Variants in TRABD2B observed in about 807,000 individuals in gnomAD.
The protein encoded by TRABD2B is TraB domain containing 2B.
Under a neutral mutation model 40.1 loss-of-function variants are expected in TRABD2B, and 14 were observed. That is an observed-to-expected ratio of 0.35 (90% CI 0.23 to 0.55). The LOEUF is 0.55. TRABD2B is among the 20% of genes least tolerant of loss of function. The probability of loss-of-function intolerance (pLI) is 0.90; values close to 1 mark genes in which losing one functional copy is unlikely to be tolerated. For synonymous variants in TRABD2B, 263 were observed against 277.0 expected, an observed-to-expected ratio of 0.95 and a Z score of 0.50; for missense variants, 541 against 648.6, an observed-to-expected ratio of 0.83 and a Z score of 1.80.
At chr1:47,972,709 A>T (rs1378278968) in intron 2 of TRABD2B, among the ~76,000 whole-genome samples, 1 of 152,164 alleles carries the variant, frequency 6.6e-6, no homozygotes, top group Non-Finnish European at 1.5e-5. Context: ...CAGCAGCCTG[A>T]GCTAAGACAA....
intron 2 of TRABD2B, among the ~76,000 whole-genome samples, chr1:47,955,665 C>T (rs1408439927): frequency 3.9e-5 from 6 of 152,198 alleles, no homozygotes; most frequent in Admixed American, 3.9e-4. Context: ...GTCATCCAAG[C>T]CCTAACCCTC....
rs1194313250 is a variant in TRABD2B at position 47,994,271 on chromosome 1, C to T, written c.429G>A (p.Lys143=). 7.2e-6 allele frequency: 11 copies of T among 1,537,108 alleles called. No homozygotes were observed. Among genetic ancestry groups the T allele is most frequent in the Non-Finnish European group, 8.7e-6 (10 of 1,147,094 alleles). ...TGAATAGGTAGTCAGCATAGAGCCCCTTGCCCCGCTGAGCGGGCGTCATCC... is the reference window on the plus strand; with the variant it reads ...TGAATAGGTAGTCAGCATAGAGCCCTTTGCCCCGCTGAGCGGGCGTCATCC... ...PSWMTPAQRG[K]GLYADYLFNA... Residue 143 remains lysine, a synonymous_variant, in exon 2 of 7, where the codon AAG becomes AAA. Coordinates refer to ENST00000606738, the MANE Select transcript of TRABD2B (RefSeq NM_001194986.2). The surrounding 1 kb of genome is among the most constrained non-coding windows in gnomAD (Gnocchi z 6.7).
chr1:47,914,072 C>A (rs997984690), intron 2 of TRABD2B, among the ~76,000 whole-genome samples: 2 of 152,250 alleles, frequency 1.3e-5, no homozygotes, highest in Admixed American at 6.5e-5. Flanking sequence ...TTCTCGAATT[C>A]TTTGTAGACT....
chr1:47,915,422 C>T (rs1253577545), intron 2 of TRABD2B, among the ~76,000 whole-genome samples: 2 of 152,124 alleles, frequency 1.3e-5, no homozygotes, highest in Non-Finnish European at 2.9e-5. Context: ...TGTATTACAC[C>T]CAGGCCCTAC....
At chr1:47,937,054 T>C (rs897781709) in intron 2 of TRABD2B, among the ~76,000 whole-genome samples, 4 of 148,728 alleles carry the variant, frequency 2.7e-5, no homozygotes, top group African/African-American at 1.0e-4. Context: ...ACCACCACCA[T>C]CATTATCATC....
chr1:47,966,698 A>T (rs112450974), intron 2 of TRABD2B, among the ~76,000 whole-genome samples: 6,682 of 152,118 alleles, frequency 0.044, 485 homozygotes, highest in African/African-American at 0.15. Flanking sequence ...TGAGGTCAGG[A>T]GTTTGAGACC....
At chr1:47,767,002 G>A (rs1299273238) in intron 6 of TRABD2B, among the ~76,000 whole-genome samples, 1 of 152,100 alleles carries the variant, frequency 6.6e-6, no homozygotes, top group Non-Finnish European at 1.5e-5. Context: ...GCGGGGGCAG[G>A]GGGTACTCAG....
At chr1:47,922,554 C>T (rs1391109616) in intron 2 of TRABD2B, among the ~76,000 whole-genome samples, 2 of 152,262 alleles carry the variant, frequency 1.3e-5, no homozygotes, top group Admixed American at 6.5e-5. Context: ...CTGGCTTCGC[C>T]TGCCACTGGC....
intron 2 of TRABD2B, among the ~76,000 whole-genome samples, chr1:47,964,880 G>A (rs1645575808): frequency 6.6e-6 from 1 of 151,936 alleles, no homozygotes; most frequent in Admixed American, 6.5e-5. Context: ...TGGAAGCCCT[G>A]CCCAGGAAGG....
rs565926326 is a variant in TRABD2B at position 47,788,315 on chromosome 1, C to T, written c.988+6271G>A. Among the ~76,000 whole-genome samples the T allele has an allele frequency of 1.2e-4, 19 of 152,302 alleles. No homozygotes were observed. The South Asian group carries it at 3.9e-3, about 32-fold the overall frequency. On this transcript the variant is annotated intron_variant, in intron 4 of 6. Transcript: ENST00000606738. ...CCCTTCTCTCAAGCCTGGGTGCTTA[C>T]CTCTGATCTGCTTCTGTGTCCCAGC... is the stretch of plus-strand genomic sequence containing the variant.
At chr1:47,978,660 G>C (rs1645795923) in intron 2 of TRABD2B, among the ~76,000 whole-genome samples, 1 of 152,172 alleles carries the variant, frequency 6.6e-6, no homozygotes, top group Non-Finnish European at 1.5e-5. Context: ...CAGCGATGAT[G>C]AGAGACCCAA....
In TRABD2B at chr1:47,966,821, C is replaced by T. The variant is rs186986408; in HGVS notation, c.666+27213G>A. Among the ~76,000 whole-genome samples the T allele has an allele frequency of 4.6e-5, 7 of 151,938 alleles. No individual in the cohort carries two copies. In the East Asian group the frequency reaches 1.4e-3, roughly 29 times the overall value. On this transcript the variant is annotated intron_variant, in intron 2 of 6. Transcript: ENST00000606738. ...CTGGGAGGCTGATGCAGTAGGATCG[C>T]TTGAACCCAGGAGGCAGAGGTTGCA...
At chr1:47,836,728 T>C (rs1645323453) in intron 2 of TRABD2B, among the ~76,000 whole-genome samples, 2 of 152,252 alleles carry the variant, frequency 1.3e-5, no homozygotes, top group Non-Finnish European at 1.5e-5. Context: ...AATTAGGTTA[T>C]GTGGGCGGAG....
chr1:47,910,483 G>C (rs564091105), intron 2 of TRABD2B, among the ~76,000 whole-genome samples: 19 of 152,148 alleles, frequency 1.2e-4, no homozygotes, highest in Non-Finnish European at 2.1e-4. Context: ...CAAAGTTCTA[G>C]GATGGCCATG....
chr1:47,782,636 G>A (rs1234758827), intron 4 of TRABD2B, among the ~76,000 whole-genome samples: 2 of 152,136 alleles, frequency 1.3e-5, no homozygotes, highest in Admixed American at 1.3e-4. Flanking sequence ...TCCTCTTCTT[G>A]TAACTCAGCC....
chr1:47,847,339 T>A (rs1429666865), intron 2 of TRABD2B, among the ~76,000 whole-genome samples: 2 of 152,172 alleles, frequency 1.3e-5, no homozygotes, highest in African/African-American at 4.8e-5. Flanking sequence ...AGCATGCAAC[T>A]CCTTTTGGAG....
intron 2 of TRABD2B, among the ~76,000 whole-genome samples, chr1:47,852,576 G>A (rs1162994483): frequency 6.6e-6 from 1 of 152,188 alleles, no homozygotes; most frequent in Non-Finnish European, 1.5e-5. Context: ...CTCCGGGAAT[G>A]TCAGCTCTCA....
intron 2 of TRABD2B, among the ~76,000 whole-genome samples, chr1:47,890,385 G>A (rs1427402813): frequency 2.0e-5 from 3 of 152,188 alleles, no homozygotes; most frequent in African/African-American, 7.2e-5. Flanking sequence ...AACAGTAGCA[G>A]CAGTGATAGG....
intron 4 of TRABD2B, 84 bp downstream of exon 4, chr1:47,794,502 C>T: frequency 2.2e-6 from 3 of 1,383,954 alleles, no homozygotes; most frequent in Non-Finnish European, 2.8e-6. Context: ...CTCGACTTCT[C>T]CCTCGATGAA....
Sources: allele counts gnomAD v4.1 joint callset (sites outside exome capture counted in the v4.1 genomes callset), GRCh38; gene constraint gnomAD v4.1.1; non-coding constraint Gnocchi (gnomAD v3.1); transcripts MANE v1.5; gene names NCBI Gene and HGNC (gene_info 2026-07-23, HGNC 2026-07-21).